ROR2: variants seen among roughly 807,000 people sequenced by gnomAD.
ROR2 encodes tyrosine-protein kinase transmembrane receptor ROR2.
A neutral mutation model predicts 74.9 loss-of-function variants in ROR2; 33 were observed. The observed-to-expected ratio is 0.44, with a 90% CI of 0.33 to 0.59. The LOEUF is 0.59. Among genes scored for constraint, ROR2 ranks in the 20% least tolerant of loss-of-function variants. The pLI is 0.02. For missense variants in ROR2, 1,216 were observed against 1,313.8 expected, an observed-to-expected ratio of 0.93 and a Z score of 1.15; for synonymous variants, 586 against 558.7, an observed-to-expected ratio of 1.05 and a Z score of -0.69.
At chr9:91,795,695 CCTAAA>C (rs1205934815) in intron 1 of ROR2, among the ~76,000 whole-genome samples, 1 of 152,076 alleles carries the variant, frequency 6.6e-6, no homozygotes, top group Non-Finnish European at 1.5e-5. Flanking sequence ...AGCCAGAAGC[CCTAAA>C]CTAATCAATC....
intron 1 of ROR2, among the ~76,000 whole-genome samples, chr9:91,796,841 G>T (rs1438793989): frequency 7.7e-6 from 1 of 130,378 alleles, no homozygotes; most frequent in Admixed American, 7.4e-5. Flanking sequence ...TGACACCCTG[G>T]GCTCTGTGGG....
chr9:91,868,874 A>C (rs770408387), intron 1 of ROR2, among the ~76,000 whole-genome samples: 1 of 152,224 alleles, frequency 6.6e-6, no homozygotes, highest in Non-Finnish European at 1.5e-5. Flanking sequence ...CCAGGAATGA[A>C]GGAAGAACAA....
At chr9:91,784,287 T>C (rs531518755) in intron 1 of ROR2, among the ~76,000 whole-genome samples, 1 of 152,190 alleles carries the variant, frequency 6.6e-6, no homozygotes, top group African/African-American at 2.4e-5. Flanking sequence ...ATCTGCAGAA[T>C]GTATCAGGAC....
At chr9:91,834,388 C>CA (rs1377528420) in intron 1 of ROR2, among the ~76,000 whole-genome samples, 1 of 152,246 alleles carries the variant, frequency 6.6e-6, no homozygotes, top group Non-Finnish European at 1.5e-5. Flanking sequence ...TGCTGGAGGA[C>CA]AACCATGTTT....
intron 4 of ROR2, among the ~76,000 whole-genome samples, chr9:91,742,234 C>G (rs1402023867): frequency 6.6e-6 from 1 of 152,168 alleles, no homozygotes; most frequent in Non-Finnish European, 1.5e-5. Context: ...GTGACAAGAA[C>G]AGCACAGGAA....
At chr9:91,832,544 C>G (rs1197058561) in intron 1 of ROR2, among the ~76,000 whole-genome samples, 1 of 151,984 alleles carries the variant, frequency 6.6e-6, no homozygotes, top group African/African-American at 2.4e-5. Flanking sequence ...TCTTTGATGA[C>G]CCAGGTGGGC....
chr9:91,890,334 G>A (rs953684426), intron 1 of ROR2, among the ~76,000 whole-genome samples: 2 of 152,150 alleles, frequency 1.3e-5, no homozygotes, highest in African/African-American at 4.8e-5. Flanking sequence ...ACATAAGGAG[G>A]CAGGAATCTT....
chr9:91,927,908 T>C (rs10992167), intron 1 of ROR2, among the ~76,000 whole-genome samples: 55,102 of 151,830 alleles, frequency 0.36, 11,815 homozygotes, highest in African/African-American at 0.61. Flanking sequence ...CATCACAGGG[T>C]CAATTGTATC....
chr9:91,899,476 C>CT (rs1830618202), intron 1 of ROR2, among the ~76,000 whole-genome samples: 1 of 152,162 alleles, frequency 6.6e-6, no homozygotes, highest in Non-Finnish European at 1.5e-5. Flanking sequence ...ACCACCCTAC[C>CT]AGTCCCGGTG....
At position 91,733,018 on chromosome 9, in the gene ROR2, G is replaced by T; in HGVS notation, c.937+104C>A. 8.4e-7 allele frequency: 1 copy of T among 1,185,944 alleles called. No homozygotes were observed. Among genetic ancestry groups the T allele is most frequent in the Non-Finnish European group, 1.2e-6 (1 of 846,432 alleles). 73.5% of individuals were successfully genotyped at this position (1,185,944 alleles called of 1,614,324 possible). ...CTGCTAAGGGGGTTCTGTGGGGCCT[G>T]GACAGATGGGGCTCCCTGGGCTTCA... is the stretch of plus-strand genomic sequence containing the variant. On this transcript the variant is annotated intron_variant, in intron 6 of 8. Coordinates refer to ENST00000375708, the MANE Select transcript of ROR2 (RefSeq NM_004560.4). This position sits in a 1 kb window ranked among gnomAD's most constrained non-coding sequence, Gnocchi z 5.7.
chr9:91,784,497 C>A (rs996077269), intron 1 of ROR2, among the ~76,000 whole-genome samples: 1 of 152,176 alleles, frequency 6.6e-6, no homozygotes, highest in African/African-American at 2.4e-5. Flanking sequence ...ACACTAAGTT[C>A]AAAGGCAGGC....
At chr9:91,855,927 CA>C (rs562594275) in intron 1 of ROR2, among the ~76,000 whole-genome samples, 2 of 152,122 alleles carry the variant, frequency 1.3e-5, no homozygotes, top group African/African-American at 4.8e-5. Context: ...CTCTGGGTTC[CA>C]GGAGCCCCCA....
At chr9:91,796,420 G>C (rs577618637) in intron 1 of ROR2, among the ~76,000 whole-genome samples, 1 of 140,600 alleles carries the variant, frequency 7.1e-6, no homozygotes, top group Admixed American at 7.2e-5. Context: ...GCAACAGAGT[G>C]AGACCTTGTC....
At chr9:91,834,772 A>T (rs1416972773) in intron 1 of ROR2, among the ~76,000 whole-genome samples, 1 of 152,228 alleles carries the variant, frequency 6.6e-6, no homozygotes, top group Non-Finnish European at 1.5e-5. Context: ...TCCTGAAACC[A>T]AGGAAGGTGT....
intron 1 of ROR2, among the ~76,000 whole-genome samples, chr9:91,837,436 A>C (rs930583448): frequency 6.6e-6 from 1 of 152,266 alleles, no homozygotes; most frequent in African/African-American, 2.4e-5. Context: ...ATAAAAAACC[A>C]AAACTTGTAA....
At chr9:91,896,424 C>G (rs551535613) in intron 1 of ROR2, among the ~76,000 whole-genome samples, 2 of 152,346 alleles carry the variant, frequency 1.3e-5, no homozygotes, top group East Asian at 3.9e-4. Context: ...TTTCTCCTCA[C>G]AAGGTGATCA....
At chr9:91,865,664 T>C (rs537850431) in intron 1 of ROR2, among the ~76,000 whole-genome samples, 1 of 152,250 alleles carries the variant, frequency 6.6e-6, no homozygotes, top group Non-Finnish European at 1.5e-5. Context: ...GGCCATTTAT[T>C]TTAAATGAAA....
At chr9:91,836,547 A>G (rs1420864032) in intron 1 of ROR2, among the ~76,000 whole-genome samples, 3 of 151,936 alleles carry the variant, frequency 2.0e-5, no homozygotes, top group Non-Finnish European at 4.4e-5. Context: ...CTCAAAAAAA[A>G]AAAAAAACAG....
At chr9:91,747,985 G>A (rs1167359514) in intron 4 of ROR2, among the ~76,000 whole-genome samples, 1 of 152,148 alleles carries the variant, frequency 6.6e-6, no homozygotes, top group Admixed American at 6.5e-5. Flanking sequence ...GGAGGACTAA[G>A]GTCAAGAGAT....
Sources: allele counts gnomAD v4.1 joint callset (sites outside exome capture counted in the v4.1 genomes callset), GRCh38; gene constraint gnomAD v4.1.1; non-coding constraint Gnocchi (gnomAD v3.1); transcripts MANE v1.5; gene names NCBI Gene and HGNC (gene_info 2026-07-23, HGNC 2026-07-21).